Variants in FAM178B observed in about 807,000 individuals in gnomAD.
FAM178B encodes protein FAM178B.
In FAM178B, 82 loss-of-function variants were observed where a neutral mutation model predicts 91.7. That is an observed-to-expected ratio of 0.89 (90% CI 0.75 to 1.07). The LOEUF (loss-of-function observed/expected upper bound fraction) is 1.07, where lower values mean the gene tolerates loss of function less well. FAM178B is among the 50% of genes least tolerant of loss of function. The pLI is 0.00. For synonymous variants in FAM178B, 368 were observed against 359.4 expected (o/e 1.02, Z -0.27); for missense variants, 769 against 846.7 (o/e 0.91, Z 1.14).
intron 8 of FAM178B, among the ~76,000 whole-genome samples, chr2:96,932,534 A>C (rs1197413186): frequency 2.0e-5 from 3 of 152,132 alleles, no homozygotes; most frequent in Non-Finnish European, 4.4e-5. Context: ...ACACAGAGGA[A>C]ACTCAGATGT....
intron 12 of FAM178B, among the ~76,000 whole-genome samples, chr2:96,916,259 C>T (rs561975194): frequency 3.9e-5 from 6 of 152,336 alleles, no homozygotes; most frequent in African/African-American, 1.4e-4. Flanking sequence ...GAAGCATATG[C>T]CTGTTTCCTC....
intron 13 of FAM178B, among the ~76,000 whole-genome samples, chr2:96,896,352 A>G (rs1345742841): frequency 6.6e-6 from 1 of 152,082 alleles, no homozygotes; most frequent in Non-Finnish European, 1.5e-5. Context: ...CCGATTGTTT[A>G]TTCCCTTTTG....
chr2:96,958,131 C>T (rs944972406), intron 6 of FAM178B, among the ~76,000 whole-genome samples: 2 of 148,762 alleles, frequency 1.3e-5, no homozygotes, highest in African/African-American at 2.5e-5. Flanking sequence ...TGCAGTGGCA[C>T]GATCTCAGCT....
chr2:96,950,128 G>A, intron 7 of FAM178B: 2 of 985,418 alleles, frequency 2.0e-6, no homozygotes, highest in East Asian at 1.1e-4. Context: ...CCCCCGGGAA[G>A]GCACTCCACG....
chr2:96,984,889 C>G (rs911742213), intron 1 of FAM178B, among the ~76,000 whole-genome samples: 1 of 152,204 alleles, frequency 6.6e-6, no homozygotes, highest in Admixed American at 6.5e-5. Context: ...CCTGCAGTTA[C>G]TGGACTCAGG....
intron 14 of FAM178B, among the ~76,000 whole-genome samples, chr2:96,880,816 G>C (rs933950372): frequency 2.0e-5 from 3 of 152,094 alleles, no homozygotes; most frequent in African/African-American, 7.2e-5. Flanking sequence ...GGATGGCCTC[G>C]ATCTCCTGAC....
chr2:96,883,557 T>C (rs1393727753), intron 14 of FAM178B, among the ~76,000 whole-genome samples: 1 of 152,234 alleles, frequency 6.6e-6, no homozygotes, highest in Admixed American at 6.5e-5. Context: ...CAGACCTGTT[T>C]CTGGCAGGAG....
intron 12 of FAM178B, among the ~76,000 whole-genome samples, chr2:96,920,120 A>G (rs1207552787): frequency 6.6e-6 from 1 of 152,052 alleles, no homozygotes. Flanking sequence ...CCAGAAAGAG[A>G]AGGGAAGAGG....
chr2:96,986,548 C>G lies in FAM178B; in HGVS notation c.-235G>C. The G allele has an allele frequency of 1.9e-6, 1 of 526,992 alleles. No individual in the cohort carries two copies. The highest frequency in any genetic ancestry group is 3.6e-5 in the East Asian group (1 of 27,462). 32.6% of individuals were successfully genotyped at this position (526,992 alleles called of 1,614,324 possible). ...CAAGCGGCCAGCTCACAGCCGCCGC[C>G]GCCGCCAGCTGGGGAGCTCGCCGGC... On this transcript the variant is annotated 5_prime_UTR_variant, in exon 1 of 17. Coordinates refer to ENST00000490605, the MANE Select transcript of FAM178B (RefSeq NM_001122646.3).
At chr2:96,936,597 C>G (rs2081636245) in intron 8 of FAM178B, among the ~76,000 whole-genome samples, 1 of 151,318 alleles carries the variant, frequency 6.6e-6, no homozygotes, top group Non-Finnish European at 1.5e-5. Flanking sequence ...GCAACCTCTG[C>G]CTCCTGGGTT....
chr2:96,959,468 G>A (rs1228847463), intron 6 of FAM178B, among the ~76,000 whole-genome samples: 1 of 152,122 alleles, frequency 6.6e-6, no homozygotes, highest in East Asian at 1.9e-4. Context: ...ATAAACATAA[G>A]CCCTGTATAA....
chr2:96,915,307 G>C (rs919719898), intron 12 of FAM178B, among the ~76,000 whole-genome samples: 2 of 150,692 alleles, frequency 1.3e-5, no homozygotes, highest in African/African-American at 2.4e-5. Flanking sequence ...TAGTAGAGAC[G>C]GGGTTTCACC....
intron 9 of FAM178B, among the ~76,000 whole-genome samples, chr2:96,928,675 T>C (rs574385804): frequency 5.9e-5 from 9 of 152,162 alleles, no homozygotes; most frequent in Admixed American, 3.3e-4. Flanking sequence ...CAGCGGGGGC[T>C]GAGTCAGGAA....
chr2:96,961,295 T>C (rs942812756), intron 5 of FAM178B, among the ~76,000 whole-genome samples: 19 of 148,558 alleles, frequency 1.3e-4, no homozygotes, highest in Non-Finnish European at 3.0e-5. Flanking sequence ...AGTTCTTGGG[T>C]GAAAACAGCA....
At chr2:96,979,224 C>T (rs1448096753) in intron 1 of FAM178B, among the ~76,000 whole-genome samples, 1 of 150,698 alleles carries the variant, frequency 6.6e-6, no homozygotes, top group East Asian at 1.9e-4. Context: ...ATCTGCCTGC[C>T]TCAGCCTCCC....
intron 14 of FAM178B, among the ~76,000 whole-genome samples, chr2:96,887,968 A>G (rs1195677501): frequency 6.6e-6 from 1 of 152,250 alleles, no homozygotes; most frequent in African/African-American, 2.4e-5. Context: ...TCTCACTTCA[A>G]GCCTGCCTCC....
chr2:96,935,741 C>A (rs956648159), intron 8 of FAM178B, among the ~76,000 whole-genome samples: 1 of 151,404 alleles, frequency 6.6e-6, no homozygotes, highest in Admixed American at 6.6e-5. Context: ...TCAAGCAATT[C>A]TCCTGCCTCA....
intron 4 of FAM178B, among the ~76,000 whole-genome samples, chr2:96,970,333 T>C (rs1483605431): frequency 2.0e-5 from 3 of 152,082 alleles, no homozygotes; most frequent in African/African-American, 7.2e-5. Flanking sequence ...TGTTAGGAAG[T>C]CCCGTCTGCC....
At chr2:96,895,232 CATA>C in intron 13 of FAM178B, 1 of 579,270 alleles carries the variant, frequency 1.7e-6, no homozygotes, top group East Asian at 7.1e-5. Context: ...CCAATCTAAT[CATA>C]ATACCATTTC....
Sources: gnomAD v4.1 joint callset for allele counts (sites outside exome capture counted in the v4.1 genomes callset) on GRCh38, gnomAD v4.1.1 for gene constraint, MANE v1.5 for transcripts, NCBI Gene and HGNC (gene_info 2026-07-23, HGNC 2026-07-21) for gene names.